PCDHGA1: variants seen among roughly 807,000 people sequenced by gnomAD.
PCDHGA1 encodes the protein protocadherin gamma-A1.
A neutral mutation model predicts 58.0 loss-of-function variants in PCDHGA1; 32 were observed. That is an observed-to-expected ratio of 0.55 (90% confidence interval 0.42 to 0.74). The LOEUF (loss-of-function observed/expected upper bound fraction) is 0.74. PCDHGA1 is among the 30% of genes least tolerant of loss of function. PCDHGA1 has a pLI of 0.00. For missense variants in PCDHGA1, 1,205 were observed against 1,182.3 expected, an observed-to-expected ratio of 1.02 and a Z score of -0.28; for synonymous variants, 498 against 501.1, an observed-to-expected ratio of 0.99 and a Z score of 0.08.
rs762801084 is a variant in PCDHGA1, at chr5:141,389,853, A to T, written c.2421+56748A>T. 5 of 1,614,050 alleles carry T rather than the reference A, an allele frequency of 3.1e-6. No homozygotes were observed. In the South Asian group the frequency reaches 5.5e-5, roughly 18 times the overall value. On this transcript the variant is annotated intron_variant, in intron 1 of 3. Transcript: ENST00000517417. The stretch of plus-strand genomic sequence containing the variant: ...ACAGCCACCACTCTCGGCCACTGCC[A>T]CGTTGCACCTGGTCTTCGCCGACAG...
Position 141,404,841 on chromosome 5 carries a change from G to A in PCDHGA1, c.2421+71736G>A, listed in dbSNP as rs765291212. The stretch of plus-strand genomic sequence containing the variant: ...CACACAGGTGAAGTGCGCACAGCTC[G>A]GGCCCTGCTAGATAGAGATGCGCTC... On this transcript the variant is annotated intron_variant, in intron 1 of 3. Coordinates refer to ENST00000517417, the MANE Select transcript of PCDHGA1 (RefSeq NM_018912.3). 1.1e-5 allele frequency: 17 copies of A among 1,613,886 alleles called. No individual in the cohort carries two copies. Among genetic ancestry groups the A allele is most frequent in the Non-Finnish European group, 1.4e-5 (16 of 1,179,920 alleles).
At chr5:141,338,172 T>C (rs10491311) in intron 1 of PCDHGA1, among the ~76,000 whole-genome samples, 27,915 of 152,192 alleles carry the variant, frequency 0.18, 2,731 homozygotes, top group African/African-American at 0.24. Context: ...TACTCTATTA[T>C]ACTCTCTTTA....
intron 1 of PCDHGA1, chr5:141,416,320 A>G (rs1482631457): frequency 1.3e-5 from 2 of 152,208 alleles, no homozygotes; most frequent in East Asian, 1.9e-4. Flanking sequence ...TAGCATTTTA[A>G]TTTAACTTTC....
intron 1 of PCDHGA1, chr5:141,412,079 T>C (rs148830663): frequency 3.3e-4 from 50 of 152,342 alleles, no homozygotes; most frequent in African/African-American, 1.1e-3. Context: ...GAACAATTGC[T>C]ACTGGGTTGA....
At chr5:141,355,793 G>A (rs1157536797) in intron 1 of PCDHGA1, 6 of 1,613,574 alleles carry the variant, frequency 3.7e-6, no homozygotes, top group South Asian at 1.1e-5. Context: ...GTGCTGGAAC[G>A]CGCTCTAGAT....
At chr5:141,405,218 G>T in intron 1 of PCDHGA1, 1 of 1,613,986 alleles carries the variant, frequency 6.2e-7, no homozygotes, top group Non-Finnish European at 8.5e-7. Flanking sequence ...CTATTCTCAG[G>T]AGTTCTCCCT....
intron 1 of PCDHGA1, among the ~76,000 whole-genome samples, chr5:141,353,332 AAAGTTC>A (rs1759249277): frequency 1.3e-5 from 2 of 152,336 alleles, no homozygotes; most frequent in African/African-American, 4.8e-5. Context: ...CACCCAAGTT[AAAGTTC>A]ATCAATTACA....
rs1403789987 is a variant in PCDHGA1 at position 141,511,845 on chromosome 5, T to C, written c.*672T>C. The C allele has an allele frequency of 6.4e-6, 1 of 156,740 alleles. No individual in the cohort carries two copies. The highest frequency in any genetic ancestry group is 1.4e-5 in the Non-Finnish European group (1 of 70,694). 9.7% of individuals were successfully genotyped at this position (156,740 alleles called of 1,614,324 possible). A position where few individuals can be genotyped will look rare whatever the true frequency, so the allele number is the denominator to read the frequency against. On this transcript the variant is annotated 3_prime_UTR_variant, in exon 4 of 4. Transcript: ENST00000517417. ...AACGCCCTGGGGACCAGTCTTCTGT[T>C]TTGTTTTTCATTGTTTGACGTTTCC...
chr5:141,511,062 C>T lies in PCDHGA1; in HGVS notation c.2685C>T (p.Tyr895=), dbSNP rs775583963. The change falls in exon 4 of 4, where the codon TAC becomes TAT. Residue 895 remains tyrosine, a synonymous_variant. Transcript: ENST00000517417. ...TGCCCGACTACCGCCAGAATGTCTACATCCCAGGCAGCAATGCCACACTGA... is the reference window on the plus strand; with the variant it reads ...TGCCCGACTACCGCCAGAATGTCTATATCCCAGGCAGCAATGCCACACTGA... ...QHVPDYRQNV[Y]IPGSNATLTN... The T allele has an allele frequency of 6.2e-7, 1 of 1,614,246 alleles. No homozygotes were observed. The highest frequency in any genetic ancestry group is 1.3e-5 in the African/African-American group (1 of 75,064).
rs754410220 is a variant in PCDHGA1, at chr5:141,356,929, C to A, written c.2421+23824C>A. Reference sequence around the variant, plus strand: ...TACTGATGGCTCCACTGGTGTGGAGCTGGCACCCCGCTCCGCAGATTCCGG... The same window carrying A: ...TACTGATGGCTCCACTGGTGTGGAGATGGCACCCCGCTCCGCAGATTCCGG... On this transcript the variant is annotated intron_variant, in intron 1 of 3. Coordinates refer to ENST00000517417, the MANE Select transcript of PCDHGA1 (RefSeq NM_018912.3). 18 of 1,614,216 alleles carry A rather than the reference C, an allele frequency of 1.1e-5. No individual in the cohort carries two copies. The South Asian group carries it at 2.0e-4, about 18-fold the overall frequency.
chr5:141,389,524 G>T, intron 1 of PCDHGA1: 1 of 1,613,146 alleles, frequency 6.2e-7, no homozygotes, highest in Non-Finnish European at 8.5e-7. Context: ...GTGAGCCTGC[G>T]CGTGTTAGTG....
chr5:141,472,979 T>TAAAA (rs2099307936), intron 1 of PCDHGA1, among the ~76,000 whole-genome samples: 1 of 21,094 alleles, frequency 4.7e-5, no homozygotes, highest in Non-Finnish European at 9.8e-5. Context: ...AGAGTGAAAC[T>TAAAA]CAAAAAAAAA....
chr5:141,380,273 G>A (rs1174536963), intron 1 of PCDHGA1, among the ~76,000 whole-genome samples: 1 of 152,076 alleles, frequency 6.6e-6, no homozygotes, highest in Admixed American at 6.6e-5. Context: ...AAATCTCAGA[G>A]GAGAAACATT....
In PCDHGA1 at chr5:141,435,189, G is replaced by A. The variant is rs569176993; in HGVS notation, c.2422-59618G>A. Among the ~76,000 whole-genome samples the A allele has an allele frequency of 5.3e-5, 8 of 152,166 alleles. No homozygotes were observed. The South Asian group carries it at 8.3e-4, about 16-fold the overall frequency. On this transcript the variant is annotated intron_variant, in intron 1 of 3. Coordinates refer to ENST00000517417, the MANE Select transcript of PCDHGA1 (RefSeq NM_018912.3). ...GTGGCTTTTAACTACACTTGAGATGGCTAGCAAATTCATAAAGTGAATTTA... is the reference window on the plus strand; with the variant it reads ...GTGGCTTTTAACTACACTTGAGATGACTAGCAAATTCATAAAGTGAATTTA...
intron 1 of PCDHGA1, among the ~76,000 whole-genome samples, chr5:141,445,711 G>A (rs978623618): frequency 1.3e-5 from 2 of 152,202 alleles, no homozygotes; most frequent in African/African-American, 4.8e-5. Context: ...TTGTCAGGCA[G>A]AGGAAATAGC....
At chr5:141,374,961 G>C (rs1770983787) in intron 1 of PCDHGA1, 1 of 1,614,028 alleles carries the variant, frequency 6.2e-7, no homozygotes, top group Non-Finnish European at 8.5e-7. Flanking sequence ...CAAATTTTCT[G>C]TTTGAATGTT....
intron 1 of PCDHGA1, among the ~76,000 whole-genome samples, chr5:141,461,838 T>G (rs1592748714): frequency 6.6e-6 from 1 of 151,980 alleles, no homozygotes; most frequent in African/African-American, 2.4e-5. Context: ...TTCTTTTTTT[T>G]TTGAGACAGA....
rs11410533 is a variant in PCDHGA1, at chr5:141,429,387, TA to T, written c.2422-65412del. ...AAATGGAGAAAATGTGTTTTTTTTT[TA>T]AAAAAAATTGAGATTAAGGTCTCAT... On this transcript the variant is annotated intron_variant, in intron 1 of 3. Transcript: ENST00000517417. Among the ~76,000 whole-genome samples, 10 of 151,446 alleles carry T rather than the reference TA, an allele frequency of 6.6e-5. No individual in the cohort carries two copies. In the South Asian group the frequency reaches 1.0e-3, roughly 16 times the overall value.
rs777325229 is a variant in PCDHGA1, at chr5:141,403,135, G to A, written c.2421+70030G>A. On this transcript the variant is annotated intron_variant, in intron 1 of 3. Transcript: ENST00000517417. ...CTCTGGAGCCCCGGGAGCTGGCGGA[G>A]CGCCGAGTCCGCATCGTCTCTAGAG... 8 of 1,613,948 alleles carry A rather than the reference G, an allele frequency of 5.0e-6. No homozygotes were observed. The African/African-American group carries it at 8.0e-5, about 16-fold the overall frequency.
Sources: gnomAD v4.1 joint callset for allele counts (sites outside exome capture counted in the v4.1 genomes callset) on GRCh38, gnomAD v4.1.1 for gene constraint, MANE v1.5 for transcripts, NCBI Gene and HGNC (gene_info 2026-07-23, HGNC 2026-07-21) for gene names.